Variants in GRID2 observed in about 807,000 individuals in gnomAD.
GRID2 encodes the protein glutamate receptor ionotropic, delta-2.
A neutral mutation model predicts 114.8 loss-of-function variants in GRID2; 33 were observed. The ratio of observed to expected loss-of-function variants is 0.29; its 90% confidence interval spans 0.22 to 0.38. The LOEUF (loss-of-function observed/expected upper bound fraction) is 0.38, where lower values mean the gene tolerates loss of function less well. GRID2 is among the 10% of genes least tolerant of loss of function. GRID2 has a pLI of 1.00. For missense variants in GRID2, 1,184 were observed against 1,257.7 expected, an observed-to-expected ratio of 0.94 and a Z score of 0.89; for synonymous variants, 505 against 449.9, an observed-to-expected ratio of 1.12 and a Z score of -1.55.
chr4:92,778,274 T>G (rs1738903242), intron 2 of GRID2, among the ~76,000 whole-genome samples: 1 of 152,140 alleles, frequency 6.6e-6, no homozygotes, highest in South Asian at 2.1e-4. Flanking sequence ...ATGTAATGAA[T>G]TTTGAATGAT....
chr4:92,902,901 C>G (rs1747681910), intron 2 of GRID2, among the ~76,000 whole-genome samples: 1 of 151,822 alleles, frequency 6.6e-6, no homozygotes, highest in African/African-American at 2.4e-5. Flanking sequence ...TAGTGGTTAA[C>G]ACATGGATCT....
chr4:93,216,880 A>T lies in GRID2; in HGVS notation c.932A>T (p.Asp311Val). ...CATCGAATATCTTCAACATTGTGTG[A>T]TCCAAAGGATCCATTTGCTCAGAAT... ...GNHRISSTLC[D>V]PKDPFAQNME... Residue 311 changes from aspartate (D) to valine (V), a missense_variant, in exon 6 of 16, where the codon GAT becomes GTT. By Grantham distance (152) the Asp-to-Val change is radical (BLOSUM62 -3). Transcript: ENST00000282020. 6.2e-7 allele frequency: 1 copy of T among 1,612,816 alleles called. No homozygotes were observed.
In GRID2 at chr4:92,886,226, T is replaced by G. The variant is rs1384857380; in HGVS notation, c.245-198769T>G. ...CATTTATTAGTCAATTTTGCCATCT[T>G]ATATAAGCATGGTTTATATAAGCAT... On this transcript the variant is annotated intron_variant, in intron 2 of 15. Transcript: ENST00000282020. Among the ~76,000 whole-genome samples the G allele has an allele frequency of 3.9e-5, 6 of 152,176 alleles. No individual in the cohort carries two copies. The East Asian group carries it at 1.2e-3, about 29-fold the overall frequency.
In GRID2 at chr4:92,718,870, A is replaced by G. The variant is rs572643737; in HGVS notation, c.244+128584A>G. On this transcript the variant is annotated intron_variant, in intron 2 of 15. Transcript: ENST00000282020. The stretch of plus-strand genomic sequence containing the variant: ...ATTTATTATCTTCTGAACTTAAAGA[A>G]TTTTTATTAAAGATTAAAATCTACA... Among the ~76,000 whole-genome samples the G allele has an allele frequency of 6.6e-5, 10 of 152,176 alleles. 1 individual carries two copies. In the South Asian group the frequency reaches 1.9e-3, roughly 28 times the overall value.
intron 9 of GRID2, among the ~76,000 whole-genome samples, chr4:93,396,337 T>C (rs7694361): frequency 0.24 from 36,414 of 151,808 alleles, 6,954 homozygotes; most frequent in African/African-American, 0.53. Context: ...GTAGTTTCCC[T>C]TTATCTGTGG....
At chr4:92,493,687 A>G (rs993634313) in intron 1 of GRID2, among the ~76,000 whole-genome samples, 5 of 152,178 alleles carry the variant, frequency 3.3e-5, no homozygotes, top group African/African-American at 1.2e-4. Flanking sequence ...TGGCCTTAGG[A>G]TAAAGCGTGA....
intron 1 of GRID2, among the ~76,000 whole-genome samples, chr4:92,402,757 A>C (rs1397712385): frequency 6.6e-6 from 1 of 152,188 alleles, no homozygotes; most frequent in Non-Finnish European, 1.5e-5. Flanking sequence ...CAGAATGGTA[A>C]ATGAGCATTG....
intron 8 of GRID2, among the ~76,000 whole-genome samples, chr4:93,266,601 A>G (rs1750860259): frequency 6.6e-6 from 1 of 152,120 alleles, no homozygotes; most frequent in African/African-American, 2.4e-5. Flanking sequence ...TTTAGTAGAG[A>G]CGGGGTTTCA....
intron 2 of GRID2, among the ~76,000 whole-genome samples, chr4:92,948,627 A>C (rs888702635): frequency 6.6e-6 from 1 of 152,014 alleles, no homozygotes; most frequent in African/African-American, 2.4e-5. Flanking sequence ...ATGTGATCCA[A>C]AATGCAATAT....
chr4:93,351,250 C>A (rs1760775434), intron 8 of GRID2, among the ~76,000 whole-genome samples: 1 of 152,012 alleles, frequency 6.6e-6, no homozygotes, highest in African/African-American at 2.4e-5. Context: ...CTTTTCACAG[C>A]AAATAGTTAT....
intron 9 of GRID2, among the ~76,000 whole-genome samples, chr4:93,420,864 C>T (rs1055690510): frequency 2.4e-4 from 37 of 151,956 alleles, no homozygotes; most frequent in Admixed American, 1.0e-3. Context: ...CGCCATTCTC[C>T]GGCTGCAGCC....
At position 92,427,922 on chromosome 4, in the gene GRID2, G is replaced by A. The variant is rs556793152; in HGVS notation, c.88+123178G>A. 2.6e-4 allele frequency among the ~76,000 whole-genome samples: 40 copies of A among 152,198 alleles called. 1 individual carries two copies. The South Asian group carries it at 7.7e-3, about 29-fold the overall frequency. ...AAACAATCTACTCTGTGCTTCTTTG[G>A]AGATTAGAATTATTTTGTTTTCAAT... is the stretch of plus-strand genomic sequence containing the variant. On this transcript the variant is annotated intron_variant, in intron 1 of 15. Coordinates refer to ENST00000282020, the MANE Select transcript of GRID2 (RefSeq NM_001510.4).
chr4:92,681,118 T>A (rs891174965), intron 2 of GRID2, among the ~76,000 whole-genome samples: 6 of 152,160 alleles, frequency 3.9e-5, no homozygotes. Context: ...GGATTATTGA[T>A]ACTGTACATT....
intron 2 of GRID2, among the ~76,000 whole-genome samples, chr4:92,898,049 A>C (rs1747297062): frequency 6.6e-6 from 1 of 152,198 alleles, no homozygotes; most frequent in Admixed American, 6.5e-5. Context: ...AAAAAGTTGT[A>C]GATAATATAT....
chr4:93,457,117 G>A (rs536676143), intron 11 of GRID2, among the ~76,000 whole-genome samples: 2 of 152,314 alleles, frequency 1.3e-5, no homozygotes, highest in South Asian at 4.1e-4. Flanking sequence ...CACAACAGAA[G>A]TCTAATGAGA....
At chr4:93,222,802 T>G (rs1745047165) in intron 6 of GRID2, among the ~76,000 whole-genome samples, 1 of 152,136 alleles carries the variant, frequency 6.6e-6, no homozygotes, top group African/African-American at 2.4e-5. Flanking sequence ...AACTCATCAT[T>G]TTTTATGGCT....
Position 93,238,398 on chromosome 4 carries a change from C to A in GRID2, c.1153C>A (p.Leu385Ile), listed in dbSNP as rs1199560070. ...KGGVSGLTGE[L>I]EFGENGGNPN... ...TGGAGTTAGTGGGTTGACTGGAGAG[C>A]TAGAATTTGGAGAAAATGGAGGCAA... The change falls in exon 8 of 16, where the codon CTA becomes ATA. Residue 385 changes from leucine to isoleucine, a missense_variant. Leu to Ile is a conservative substitution (Grantham distance 5). Coordinates refer to ENST00000282020, the MANE Select transcript of GRID2 (RefSeq NM_001510.4). 6.2e-7 allele frequency: 1 copy of A among 1,606,080 alleles called. No individual in the cohort carries two copies. The highest frequency in any genetic ancestry group is 1.7e-5 in the Admixed American group (1 of 59,768).
intron 2 of GRID2, among the ~76,000 whole-genome samples, chr4:92,903,611 C>T (rs1163716701): frequency 1.3e-5 from 2 of 151,672 alleles, no homozygotes; most frequent in East Asian, 3.9e-4. Flanking sequence ...CGTGGTGAAC[C>T]CCAGTAATTT....
intron 13 of GRID2, among the ~76,000 whole-genome samples, chr4:93,622,979 C>T (rs974465984): frequency 3.9e-5 from 6 of 151,914 alleles, no homozygotes; most frequent in South Asian, 2.1e-4. Context: ...TATTCCACTA[C>T]GGAAATTTAT....
Sources: allele counts gnomAD v4.1 joint callset (sites outside exome capture counted in the v4.1 genomes callset), GRCh38; gene constraint gnomAD v4.1.1; transcripts MANE v1.5; gene names NCBI Gene and HGNC (gene_info 2026-07-23, HGNC 2026-07-21).